RBBP9: variants seen among roughly 807,000 people sequenced by gnomAD.
RBBP9 encodes the protein RB binding protein 9, serine hydrolase.
RBBP9 carries 20 observed loss-of-function variants against 24.2 expected under a neutral mutation model. The observed-to-expected ratio is 0.83, with a 90% CI of 0.58 to 1.20. The LOEUF is 1.20. RBBP9 is among the 50% of genes most tolerant of loss of function. The pLI, the probability that RBBP9 is intolerant of heterozygous loss-of-function variation, is 0.00. For missense variants in RBBP9, 234 were observed against 233.6 expected, an observed-to-expected ratio of 1.00 and a Z score of -0.01; for synonymous variants, 74 against 84.6, an observed-to-expected ratio of 0.87 and a Z score of 0.69.
chr20:18,491,958 G>A (rs1286106194), intron 3 of RBBP9, among the ~76,000 whole-genome samples: 1 of 151,940 alleles, frequency 6.6e-6, no homozygotes, highest in Non-Finnish European at 1.5e-5. Flanking sequence ...TTAGCCAGGT[G>A]TGGTGGCAGG....
chr20:18,491,860 G>A (rs952836365), intron 3 of RBBP9, among the ~76,000 whole-genome samples: 5 of 151,888 alleles, frequency 3.3e-5, no homozygotes, highest in African/African-American at 1.2e-4. Flanking sequence ...ACTTTGTGAG[G>A]CCAAGGCAGG....
In RBBP9 at chr20:18,489,328, T is replaced by C. The variant is rs1275263677; in HGVS notation, c.*436A>G. 2 of 153,230 alleles carry C rather than the reference T, an allele frequency of 1.3e-5. No individual in the cohort carries two copies. The highest frequency in any genetic ancestry group is 2.9e-5 in the Non-Finnish European group (2 of 68,716). The allele number at this position is 153,230 out of a possible 1,614,324, so 9.5% of individuals were successfully genotyped here. A position where few individuals can be genotyped will look rare whatever the true frequency, so the allele number is the denominator to read the frequency against. On this transcript the variant is annotated 3_prime_UTR_variant, in exon 5 of 5. Transcript: ENST00000337227. ...CCAGCTTGAAACAGCAGCTAGTATTTTGAGCTCTAAGCTAACACTCTGGAC... is the reference window on the plus strand; with the variant it reads ...CCAGCTTGAAACAGCAGCTAGTATTCTGAGCTCTAAGCTAACACTCTGGAC...
At chr20:18,490,505 C>T in intron 3 of RBBP9, 25 bp from the exon 4 acceptor site, 2 of 1,534,710 alleles carry the variant, frequency 1.3e-6, no homozygotes, top group Non-Finnish European at 1.8e-6. Context: ...ATGATGTCAG[C>T]TAATATATAA....
chr20:18,489,908 CG>C lies in RBBP9; in HGVS notation c.416del (p.Pro139ArgfsTer36), dbSNP rs2059858559. ...YIVQFGSTDD[P>X]FLPWKEQQEV... ...CTTGTTGTTCCTTCCAGGGAAGGAA[CG>C]GGTCGTCAGTAGAGCCAAACTGCAC... On this transcript the variant is annotated frameshift_variant, in exon 5 of 5. Transcript: ENST00000337227. LOFTEE classifies it high-confidence loss of function. The C allele has an allele frequency of 6.2e-7, 1 of 1,613,798 alleles. No homozygotes were observed. The highest frequency in any genetic ancestry group is 1.7e-5 in the Admixed American group (1 of 59,994).
intron 3 of RBBP9, 30 bp downstream of exon 3, chr20:18,493,928 A>G: frequency 6.5e-7 from 1 of 1,530,180 alleles, no homozygotes; most frequent in Non-Finnish European, 8.9e-7. Context: ...GGAGCCCACA[A>G]AGGGGATAGC....
Position 18,497,207 on chromosome 20 carries a change from G to A in RBBP9, c.-40C>T, listed in dbSNP as rs1298573882. ...CAGAGTTCCCCAGCGCGGGTCCAGC[G>A]GAGCTGAGCCCAGCCTGCTCCCGCA... On this transcript the variant is annotated 5_prime_UTR_variant, in exon 1 of 5. Coordinates refer to ENST00000337227, the MANE Select transcript of RBBP9 (RefSeq NM_006606.3). 2.0e-6 allele frequency: 3 copies of A among 1,537,668 alleles called. No individual in the cohort carries two copies. The highest frequency in any genetic ancestry group is 2.7e-6 in the Non-Finnish European group (3 of 1,113,556).
intron 3 of RBBP9, among the ~76,000 whole-genome samples, chr20:18,493,497 T>C (rs1156311111): frequency 6.6e-6 from 1 of 152,100 alleles, no homozygotes; most frequent in Non-Finnish European, 1.5e-5. Context: ...ATGGAGTGAT[T>C]AGAGAAGGCT....
At position 18,494,016 on chromosome 20, in the gene RBBP9, G is replaced by A. The variant is rs887413150; in HGVS notation, c.190C>T (p.His64Tyr). 1 of 1,613,760 alleles carries A rather than the reference G, an allele frequency of 6.2e-7. No individual in the cohort carries two copies. Among genetic ancestry groups the A allele is most frequent in the Non-Finnish European group, 8.5e-7 (1 of 1,179,938 alleles). ...ATGATGATAGTCTTCTCATCACAGTGCAGCTCTGTCTCCATGAAGGGCAGC... is the reference window on the plus strand; with the variant it reads ...ATGATGATAGTCTTCTCATCACAGTACAGCTCTGTCTCCATGAAGGGCAGC... The part of the protein sequence containing the change: ...IWLPFMETEL[H>Y]CDEKTIIIGH... The change falls in exon 3 of 5, where the codon CAC becomes TAC. Residue 64 changes from histidine (H) to tyrosine (Y), a missense_variant. Physicochemically the swap from His to Tyr is moderately conservative, Grantham distance 83. Coordinates refer to ENST00000337227, the MANE Select transcript of RBBP9 (RefSeq NM_006606.3).
In RBBP9 at chr20:18,496,370, C is replaced by T. The variant is rs1277276440; in HGVS notation, c.100-490G>A. 2.6e-5 allele frequency among the ~76,000 whole-genome samples: 4 copies of T among 152,212 alleles called. No individual in the cohort carries two copies. In the East Asian group the frequency reaches 7.7e-4, roughly 29 times the overall value. On this transcript the variant is annotated intron_variant, in intron 1 of 4. Transcript: ENST00000337227. ...TCTAGAGGACAGCAACCCAGGGAGC[C>T]GACTTACCGCCTGGTTACAGAAGAG...
At chr20:18,494,710 A>G (rs116169934) in intron 2 of RBBP9, among the ~76,000 whole-genome samples, 2,725 of 152,168 alleles carry the variant, frequency 0.018, 90 homozygotes, top group African/African-American at 0.063. Flanking sequence ...CTCTTGCAAC[A>G]TTCTAAAATT....
chr20:18,492,096 C>CAAAAAAAAAAAAA (rs71194242), intron 3 of RBBP9, among the ~76,000 whole-genome samples: 1 of 70,064 alleles, frequency 1.4e-5, no homozygotes, highest in African/African-American at 5.6e-5. Context: ...GGCTCTGTCT[C>CAAAAAAAAAAAAA]AAAAAAAAAA....
rs1011539171 is a variant in RBBP9 at position 18,486,870 on chromosome 20, T to G, written c.*2894A>C. The G allele has an allele frequency of 6.6e-6, 1 of 152,164 alleles. No homozygotes were observed. Among genetic ancestry groups the G allele is most frequent in the Non-Finnish European group, 1.5e-5 (1 of 68,046 alleles). The allele number at this position is 152,164 out of a possible 1,614,324, so 9.4% of individuals were successfully genotyped here. Reference sequence around the variant, plus strand: ...GAAATCAGAAATGACAGTCCATGGCTCTATGGTTTTTAATGAATAGTTTGT... The same window carrying G: ...GAAATCAGAAATGACAGTCCATGGCGCTATGGTTTTTAATGAATAGTTTGT... On this transcript the variant is annotated 3_prime_UTR_variant, in exon 5 of 5. Coordinates refer to ENST00000337227, the MANE Select transcript of RBBP9 (RefSeq NM_006606.3).
chr20:18,494,862 G>T (rs2424220), intron 2 of RBBP9, among the ~76,000 whole-genome samples: 4 of 152,242 alleles, frequency 2.6e-5, no homozygotes, highest in Non-Finnish European at 4.4e-5. Context: ...CTCAAGTATA[G>T]TACCCACAAA....
Position 18,490,437 on chromosome 20 carries a change from C to A in RBBP9, c.292G>T (p.Ala98Ser). 2 of 1,613,892 alleles carry A rather than the reference C, an allele frequency of 1.2e-6. No homozygotes were observed. The highest frequency in any genetic ancestry group is 1.7e-6 in the Non-Finnish European group (2 of 1,179,842). Residue 98 changes from alanine to serine, a missense_variant, in exon 4 of 5, where the codon GCG becomes TCG. Ala to Ser is a moderately conservative substitution (Grantham distance 99, BLOSUM62 1). Coordinates refer to ENST00000337227, the MANE Select transcript of RBBP9 (RefSeq NM_006606.3). ...TCATCCCCCAAGTCTGATGTGTACG[C>A]AGACACTAATACAATAGCATATACT... ...HRVYAIVLVS[A>S]YTSDLGDENE...
Position 18,494,680 on chromosome 20 carries a change from CA to C in RBBP9, c.143-618del, listed in dbSNP as rs990549718. 6.6e-4 allele frequency among the ~76,000 whole-genome samples: 96 copies of C among 144,812 alleles called. 1 individual carries two copies. Among genetic ancestry groups the C allele is most frequent in the Non-Finnish European group, 1.1e-3 (74 of 65,774 alleles). ...TGGGCAACAGAGCGAGACTCCATCT[CA>C]AAAAAAAAAGCAAAAAAACTCTTGC... is the stretch of plus-strand genomic sequence containing the variant. On this transcript the variant is annotated intron_variant, in intron 2 of 4. Coordinates refer to ENST00000337227, the MANE Select transcript of RBBP9 (RefSeq NM_006606.3).
chr20:18,490,108 TA>T, intron 4 of RBBP9, 118 bp from the exon 5 acceptor site: 2 of 708,322 alleles, frequency 2.8e-6, no homozygotes, highest in South Asian at 4.0e-5. Context: ...CCGTGTGAGT[TA>T]GAAGCACTTC....
At chr20:18,496,507 T>C (rs2059887280) in intron 1 of RBBP9, among the ~76,000 whole-genome samples, 1 of 152,090 alleles carries the variant, frequency 6.6e-6, no homozygotes, top group African/African-American at 2.4e-5. Context: ...GGTATATTCA[T>C]AGGTTGAAAA....
chr20:18,489,977 G>T lies in RBBP9; in HGVS notation c.348C>A (p.Arg116=). 6.2e-7 allele frequency: 1 copy of T among 1,603,350 alleles called. No individual in the cohort carries two copies. The highest frequency in any genetic ancestry group is 8.5e-7 in the Non-Finnish European group (1 of 1,171,102). The change falls in exon 5 of 5, where the codon CGC becomes CGA. Residue 116 remains arginine (R), a synonymous_variant. Transcript: ENST00000337227. ...ENERASGYFT[R]PWQWEKIKAN... Reference sequence around the variant, plus strand: ...CCTTGATCTTCTCCCACTGCCAGGGGCGGGTGAAGTATCCTATGGGGAAAA... The same window carrying T: ...CCTTGATCTTCTCCCACTGCCAGGGTCGGGTGAAGTATCCTATGGGGAAAA...
At chr20:18,494,649 C>G (rs985655365) in intron 2 of RBBP9, among the ~76,000 whole-genome samples, 2 of 152,026 alleles carry the variant, frequency 1.3e-5, no homozygotes, top group Admixed American at 6.5e-5. Context: ...CCACAGCACT[C>G]TGGCCTGGGC....
Sources: gnomAD v4.1 joint callset for allele counts (sites outside exome capture counted in the v4.1 genomes callset) on GRCh38, gnomAD v4.1.1 for gene constraint, MANE v1.5 for transcripts, NCBI Gene and HGNC (gene_info 2026-07-23, HGNC 2026-07-21) for gene names.